The following PRKN variants were observed in gnomAD, a reference collection of about 807,000 sequenced individuals.
The protein encoded by PRKN is parkin RBR E3 ubiquitin protein ligase.
A neutral mutation model predicts 59.5 loss-of-function variants in PRKN; 56 were observed. The observed-to-expected ratio is 0.94, with a 90% CI of 0.76 to 1.18. PRKN has a LOEUF of 1.18. PRKN is among the 50% of genes most tolerant of loss of function. The pLI, the probability that PRKN is intolerant of heterozygous loss-of-function variation, is 0.00. For missense variants in PRKN, 657 were observed against 596.4 expected, an observed-to-expected ratio of 1.10 and a Z score of -1.06; for synonymous variants, 250 against 222.1, an observed-to-expected ratio of 1.13 and a Z score of -1.12.
intron 6 of PRKN, among the ~76,000 whole-genome samples, chr6:161,833,623 C>G (rs955477996): frequency 6.6e-6 from 1 of 152,098 alleles, no homozygotes; most frequent in African/African-American, 2.4e-5. Context: ...CTCGGATGTC[C>G]GGGTGGGCAG....
chr6:161,858,858 C>CTTTCTTTTTTT (rs1793765421), intron 6 of PRKN, among the ~76,000 whole-genome samples: 1 of 71,936 alleles, frequency 1.4e-5, no homozygotes, highest in Non-Finnish European at 2.7e-5. Flanking sequence ...CACAGCTGTA[C>CTTTCTTTTTTT]TTTTTTTTTT....
intron 1 of PRKN, among the ~76,000 whole-genome samples, chr6:162,665,532 T>C (rs1342498361): frequency 1.3e-5 from 2 of 151,792 alleles, no homozygotes; most frequent in African/African-American, 4.8e-5. Context: ...AGAAATAAGA[T>C]AGGACACAAA....
intron 4 of PRKN, among the ~76,000 whole-genome samples, chr6:162,189,729 G>A (rs1425313846): frequency 6.6e-6 from 1 of 151,692 alleles, no homozygotes; most frequent in Non-Finnish European, 1.5e-5. Context: ...ATATTTTTAT[G>A]ATAACATTGA....
intron 7 of PRKN, among the ~76,000 whole-genome samples, chr6:161,671,042 GT>G (rs371369229): frequency 3.0e-4 from 45 of 152,140 alleles, no homozygotes; most frequent in South Asian, 1.2e-3. Context: ...CTTCATGTTT[GT>G]TTTTTTCCCT....
At chr6:162,263,980 G>A (rs1441655017) in intron 2 of PRKN, among the ~76,000 whole-genome samples, 2 of 147,772 alleles carry the variant, frequency 1.4e-5, no homozygotes, top group Non-Finnish European at 3.0e-5. Flanking sequence ...TACTCTCTCA[G>A]TAAATCGATG....
chr6:162,629,593 T>C (rs986146784), intron 1 of PRKN, among the ~76,000 whole-genome samples: 1 of 152,198 alleles, frequency 6.6e-6, no homozygotes, highest in Non-Finnish European at 1.5e-5. Flanking sequence ...GACCAAAATA[T>C]TGAATAATTT....
chr6:162,472,738 G>A (rs1225821960), intron 1 of PRKN, among the ~76,000 whole-genome samples: 1 of 120,286 alleles, frequency 8.3e-6, no homozygotes, highest in Non-Finnish European at 1.8e-5. Context: ...TGATCCACCC[G>A]CCTTGGCCTC....
In PRKN at chr6:161,396,971, T is replaced by C. The variant is rs1786789699; in HGVS notation, c.1084-10094A>G. On this transcript the variant is annotated intron_variant, in intron 9 of 11. Transcript: ENST00000366898. This position sits in a 1 kb window ranked among gnomAD's most constrained non-coding sequence, Gnocchi z 5.4. ...TCAGTCAAAATGATACATTAACCCT[T>C]TATTGTATGTTGAGCAGTCTCATAG... is the stretch of plus-strand genomic sequence containing the variant. 6.6e-6 allele frequency among the ~76,000 whole-genome samples: 1 copy of C among 152,170 alleles called. No homozygotes were observed. Among genetic ancestry groups the C allele is most frequent in the African/African-American group, 2.4e-5 (1 of 41,416 alleles).
intron 9 of PRKN, among the ~76,000 whole-genome samples, chr6:161,540,096 C>T (rs1303819175): frequency 1.3e-5 from 2 of 152,072 alleles, no homozygotes; most frequent in Admixed American, 1.3e-4. Context: ...AGGTCTGCCC[C>T]AGCTGGACTG....
intron 1 of PRKN, among the ~76,000 whole-genome samples, chr6:162,573,323 C>T (rs1481253242): frequency 2.0e-5 from 3 of 152,110 alleles, no homozygotes; most frequent in Admixed American, 6.6e-5. Context: ...CACTGCCTCT[C>T]GTGCACAGGC....
At chr6:162,202,122 G>A (rs763937493) in intron 3 of PRKN, among the ~76,000 whole-genome samples, 1 of 151,810 alleles carries the variant, frequency 6.6e-6, no homozygotes, top group Non-Finnish European at 1.5e-5. Context: ...TCCTTACCTG[G>A]GTGGATAATA....
intron 2 of PRKN, among the ~76,000 whole-genome samples, chr6:162,294,141 AAG>A (rs1159629505): frequency 6.6e-6 from 1 of 152,264 alleles, no homozygotes; most frequent in Non-Finnish European, 1.5e-5. Context: ...AGATGCAGAA[AAG>A]AGGTTTCCAG....
chr6:162,362,519 A>C (rs1785196167), intron 2 of PRKN, among the ~76,000 whole-genome samples: 1 of 152,182 alleles, frequency 6.6e-6, no homozygotes, highest in South Asian at 2.1e-4. Context: ...TTTGAATTAA[A>C]ATTGAATAAT....
At chr6:162,294,089 T>C (rs1781555427) in intron 2 of PRKN, among the ~76,000 whole-genome samples, 1 of 145,866 alleles carries the variant, frequency 6.9e-6, no homozygotes, top group African/African-American at 2.6e-5. Context: ...GAAGGGGCCA[T>C]GCAACCCGGC....
At chr6:162,388,985 T>TA (rs1317087748) in intron 2 of PRKN, among the ~76,000 whole-genome samples, 1 of 121,398 alleles carries the variant, frequency 8.2e-6, no homozygotes, top group East Asian at 3.0e-4. Flanking sequence ...AGCTTCATTT[T>TA]AAAATCCTTT....
In PRKN at chr6:162,054,983, G is replaced by C. The variant is rs189417433; in HGVS notation, c.535-809C>G. ...TCAAGACCAGTCTGACTAACATGGC[G>C]AAACCCTGTCTGTACTAAAAATACA... On this transcript the variant is annotated intron_variant, in intron 4 of 11. Coordinates refer to ENST00000366898, the MANE Select transcript of PRKN (RefSeq NM_004562.3). Among the ~76,000 whole-genome samples the C allele has an allele frequency of 2.6e-5, 4 of 152,208 alleles. No individual in the cohort carries two copies. The East Asian group carries it at 7.7e-4, about 29-fold the overall frequency.
chr6:161,811,268 G>T (rs560326744), intron 6 of PRKN, among the ~76,000 whole-genome samples: 9 of 152,176 alleles, frequency 5.9e-5, no homozygotes, highest in Admixed American at 3.9e-4. Context: ...TTTTACTAAT[G>T]ATTCCAAGCA....
At chr6:162,274,247 G>A (rs1583299826) in intron 2 of PRKN, among the ~76,000 whole-genome samples, 1 of 151,960 alleles carries the variant, frequency 6.6e-6, no homozygotes, top group South Asian at 2.1e-4. Context: ...TGGAGTGCAG[G>A]CATGATCAGG....
At chr6:162,339,418 C>A (rs2128127558) in intron 2 of PRKN, among the ~76,000 whole-genome samples, 2 of 147,828 alleles carry the variant, frequency 1.4e-5, no homozygotes, top group South Asian at 4.3e-4. Context: ...CGGCCAGCCG[C>A]CCCGTCCGGG....
Sources: gnomAD v4.1 joint callset for allele counts (sites outside exome capture counted in the v4.1 genomes callset) on GRCh38, gnomAD v4.1.1 for gene constraint, Gnocchi (gnomAD v3.1) non-coding constraint, MANE v1.5 for transcripts, NCBI Gene and HGNC (gene_info 2026-07-23, HGNC 2026-07-21) for gene names.